The following PPP2R2A variants were observed in gnomAD, a reference collection of about 807,000 sequenced individuals.
PPP2R2A encodes protein phosphatase 2 regulatory subunit Balpha, also known as serine/threonine-protein phosphatase 2A 55 kDa regulatory subunit B alpha isoform.
PPP2R2A carries 9 observed loss-of-function variants against 53.2 expected under a neutral mutation model. The observed-to-expected ratio is 0.17, with a 90% CI of 0.10 to 0.30. The LOEUF (loss-of-function observed/expected upper bound fraction) is 0.30, where lower values mean the gene tolerates loss of function less well. Ranked by LOEUF, PPP2R2A falls within the 10% of genes least tolerant of loss-of-function variation. The probability of loss-of-function intolerance (pLI) is 1.00; values close to 1 mark genes in which losing one functional copy is unlikely to be tolerated. For missense variants in PPP2R2A, 235 were observed against 534.6 expected (o/e 0.44, Z 5.53); for synonymous variants, 169 against 174.2 (o/e 0.97, Z 0.23).
chr8:26,323,229 G>T (rs189601666), intron 2 of PPP2R2A, among the ~76,000 whole-genome samples: 2 of 152,112 alleles, frequency 1.3e-5, no homozygotes, highest in Admixed American at 1.3e-4. Context: ...TCCCTAATCT[G>T]CTGTCAGATC....
chr8:26,328,198 A>G (rs1351266119), intron 2 of PPP2R2A, among the ~76,000 whole-genome samples: 2 of 152,244 alleles, frequency 1.3e-5, no homozygotes, highest in East Asian at 3.8e-4. Flanking sequence ...AGTCATAACC[A>G]TATATGTCAA....
chr8:26,336,696 G>A (rs975344263), intron 2 of PPP2R2A, among the ~76,000 whole-genome samples: 1 of 151,902 alleles, frequency 6.6e-6, no homozygotes, highest in Admixed American at 6.6e-5. Flanking sequence ...GAGCAACATA[G>A]TGAGACCCTG....
At chr8:26,311,985 C>T (rs1043875808) in intron 2 of PPP2R2A, among the ~76,000 whole-genome samples, 9 of 151,974 alleles carry the variant, frequency 5.9e-5, no homozygotes, top group Admixed American at 4.6e-4. Context: ...TATTGGCTCC[C>T]CTTGCTACCT....
At chr8:26,358,291 CA>C (rs1472998813) in intron 4 of PPP2R2A, among the ~76,000 whole-genome samples, 2 of 151,926 alleles carry the variant, frequency 1.3e-5, no homozygotes, top group Non-Finnish European at 2.9e-5. Context: ...ACAACTGGAC[CA>C]GGGGGCGGGG....
In PPP2R2A at chr8:26,330,307, C is replaced by CT. The variant is rs11351968; in HGVS notation, c.83-8563dup. On this transcript the variant is annotated intron_variant, in intron 2 of 9. Transcript: ENST00000380737. ...TCATGTTGATGATTTATTCTTTTTT[C>CT]TTTTTTTTTTTTTTTTTTTTGAGAC... is the stretch of plus-strand genomic sequence containing the variant. Among the ~76,000 whole-genome samples the CT allele has an allele frequency of 6.0e-3, 775 of 129,842 alleles. 16 individuals carry two copies. Among genetic ancestry groups the CT allele is most frequent in the Admixed American group, 0.021 (268 of 12,782 alleles). 85.2% of individuals were successfully genotyped at this position (129,842 alleles called of 152,430 possible).
chr8:26,339,234 G>C (rs1431878995), intron 3 of PPP2R2A, among the ~76,000 whole-genome samples: 1 of 152,136 alleles, frequency 6.6e-6, no homozygotes, highest in Non-Finnish European at 1.5e-5. Flanking sequence ...TTAGAGAAGG[G>C]GGTGGAAAGT....
intron 2 of PPP2R2A, among the ~76,000 whole-genome samples, chr8:26,336,923 C>T (rs1201294018): frequency 6.6e-6 from 1 of 151,382 alleles, no homozygotes; most frequent in Non-Finnish European, 1.5e-5. Flanking sequence ...ACCTGTCTAA[C>T]TTTACTGCTT....
At chr8:26,305,985 T>C (rs1801996772) in intron 2 of PPP2R2A, among the ~76,000 whole-genome samples, 1 of 152,150 alleles carries the variant, frequency 6.6e-6, no homozygotes, top group Non-Finnish European at 1.5e-5. Flanking sequence ...AGGTGAATGT[T>C]TATGGTAGCC....
At chr8:26,293,417 T>C in intron 1 of PPP2R2A, 1 of 788,670 alleles carries the variant, frequency 1.3e-6, no homozygotes, top group Non-Finnish European at 2.0e-6. Context: ...AGGAAGTTTG[T>C]GAACAGATGT....
chr8:26,361,000 A>G lies in PPP2R2A; in HGVS notation c.486A>G (p.Leu162=). 1 of 1,605,716 alleles carries G rather than the reference A, an allele frequency of 6.2e-7. No homozygotes were observed. The highest frequency in any genetic ancestry group is 8.5e-7 in the Non-Finnish European group (1 of 1,178,470). ...LRVPVFRPMD[L]MVEASPRRIF... ...TGCCAGTCTTTAGGCCTATGGATCT[A>G]ATGGTTGAGGCCAGTCCACGAAGAA... Residue 162 remains leucine, a synonymous_variant, in exon 6 of 10, where the codon CTA becomes CTG. Coordinates refer to ENST00000380737, the MANE Select transcript of PPP2R2A (RefSeq NM_002717.4). This position sits in a 1 kb window ranked among gnomAD's most constrained non-coding sequence, Gnocchi z 4.5.
chr8:26,308,875 C>CT (rs1194455198), intron 2 of PPP2R2A, among the ~76,000 whole-genome samples: 1 of 151,124 alleles, frequency 6.6e-6, no homozygotes, highest in Non-Finnish European at 1.5e-5. Flanking sequence ...TATATATATA[C>CT]TTTTTTTGAG....
At chr8:26,341,750 G>T (rs967174930) in intron 3 of PPP2R2A, among the ~76,000 whole-genome samples, 1 of 152,108 alleles carries the variant, frequency 6.6e-6, no homozygotes, top group Non-Finnish European at 1.5e-5. Flanking sequence ...TAGTGGCAGG[G>T]TTCCTTCTTA....
chr8:26,371,139 T>C lies in PPP2R2A; in HGVS notation c.*726T>C, dbSNP rs530614334. The C allele has an allele frequency of 1.3e-5, 2 of 152,336 alleles. No individual in the cohort carries two copies. The highest frequency in any genetic ancestry group is 3.9e-4 in the East Asian group (2 of 5,190). The allele number at this position is 152,336 out of a possible 1,614,324, so 9.4% of individuals were successfully genotyped here. A position where few individuals can be genotyped will look rare whatever the true frequency, so the allele number is the denominator to read the frequency against. On this transcript the variant is annotated 3_prime_UTR_variant, in exon 10 of 10. Coordinates refer to ENST00000380737, the MANE Select transcript of PPP2R2A (RefSeq NM_002717.4). ...AAGTGACAAAGAATGGAGAATCTGG[T>C]TTTCTTTTTCTTTTTAACCTACCTC...
Position 26,292,527 on chromosome 8 carries a change from G to A in PPP2R2A, c.7+701G>A, listed in dbSNP as rs1329611849. ...GATGTCCTTTTCCCAAAAGGGTTTG[G>A]TAGAGTTAGTTAAAATAGTTGCGGA... On this transcript the variant is annotated intron_variant, in intron 1 of 9. Coordinates refer to ENST00000380737, the MANE Select transcript of PPP2R2A (RefSeq NM_002717.4). 7 of 833,282 alleles carry A rather than the reference G, an allele frequency of 8.4e-6. No homozygotes were observed. In the East Asian group the frequency reaches 7.4e-4, roughly 88 times the overall value. The allele number at this position is 833,282 out of a possible 1,614,324, so 51.6% of individuals were successfully genotyped here.
At chr8:26,358,209 A>C (rs1302919185) in intron 4 of PPP2R2A, among the ~76,000 whole-genome samples, 2 of 151,026 alleles carry the variant, frequency 1.3e-5, no homozygotes, top group Non-Finnish European at 3.0e-5. Context: ...CTCATCTGAA[A>C]GTTTCATAAA....
intron 3 of PPP2R2A, among the ~76,000 whole-genome samples, chr8:26,351,543 G>A (rs1804513774): frequency 6.6e-6 from 1 of 152,202 alleles, no homozygotes; most frequent in East Asian, 1.9e-4. Context: ...GTTCTCTTGG[G>A]TCCTGTTATC....
chr8:26,371,359 T>G lies in PPP2R2A; in HGVS notation c.*946T>G, dbSNP rs1257306040. The G allele has an allele frequency of 6.6e-6, 1 of 151,488 alleles. No individual in the cohort carries two copies. The highest frequency in any genetic ancestry group is 1.5e-5 in the Non-Finnish European group (1 of 67,818). The allele number at this position is 151,488 out of a possible 1,614,324, so 9.4% of individuals were successfully genotyped here. A position where few individuals can be genotyped will look rare whatever the true frequency, so the allele number is the denominator to read the frequency against. ...CACAATCTATAAATGCTACTAGTTT[T>G]TTTTTTTTTTTTTACCATCATGAGG... On this transcript the variant is annotated 3_prime_UTR_variant, in exon 10 of 10. Coordinates refer to ENST00000380737, the MANE Select transcript of PPP2R2A (RefSeq NM_002717.4).
intron 3 of PPP2R2A, among the ~76,000 whole-genome samples, chr8:26,353,873 T>C (rs1804640629): frequency 6.6e-6 from 1 of 152,224 alleles, no homozygotes; most frequent in South Asian, 2.1e-4. Flanking sequence ...ATGGACTTGA[T>C]TGGTAGCAAA....
At chr8:26,342,255 A>C (rs552409483) in intron 3 of PPP2R2A, among the ~76,000 whole-genome samples, 1 of 152,220 alleles carries the variant, frequency 6.6e-6, no homozygotes, top group African/African-American at 2.4e-5. Context: ...TCTGATAACA[A>C]ATCCAGTGTT....
Sources: gnomAD v4.1 joint callset for allele counts (sites outside exome capture counted in the v4.1 genomes callset) on GRCh38, gnomAD v4.1.1 for gene constraint, Gnocchi (gnomAD v3.1) non-coding constraint, MANE v1.5 for transcripts, NCBI Gene and HGNC (gene_info 2026-07-23, HGNC 2026-07-21) for gene names.